Variants in PSME4 observed in about 807,000 individuals in gnomAD.
The protein encoded by PSME4 is proteasome activator complex subunit 4.
In PSME4, 89 loss-of-function variants were observed where a neutral mutation model predicts 253.9. That is an observed-to-expected ratio of 0.35 (90% CI 0.30 to 0.42). PSME4 has a LOEUF of 0.42. PSME4 is among the 10% of genes least tolerant of loss of function. The probability of loss-of-function intolerance (pLI) is 1.00; values close to 1 mark genes in which losing one functional copy is unlikely to be tolerated. For synonymous variants in PSME4, 851 were observed against 759.2 expected, an observed-to-expected ratio of 1.12 and a Z score of -1.99; for missense variants, 2,014 against 2,195.2, an observed-to-expected ratio of 0.92 and a Z score of 1.65.
intron 21 of PSME4, 44 bp downstream of exon 21, chr2:53,910,031 C>A: frequency 2.7e-6 from 4 of 1,483,118 alleles, no homozygotes; most frequent in South Asian, 1.1e-5. Flanking sequence ...GAGTTACTGA[C>A]AAAAATAATC....
At chr2:53,927,368 C>G (rs1404395029) in intron 12 of PSME4, 26 bp downstream of exon 12, 2 of 1,459,446 alleles carry the variant, frequency 1.4e-6, no homozygotes. Flanking sequence ...CATCTTAGCC[C>G]TTTTATAACC....
chr2:53,959,966 T>C (rs578140520), intron 1 of PSME4, among the ~76,000 whole-genome samples: 1 of 152,352 alleles, frequency 6.6e-6, no homozygotes, highest in South Asian at 2.1e-4. Context: ...AACAGATTTT[T>C]GTGGATTGAT....
intron 3 of PSME4, among the ~76,000 whole-genome samples, chr2:53,942,461 G>A (rs988843643): frequency 1.8e-4 from 27 of 151,918 alleles, no homozygotes; most frequent in African/African-American, 4.8e-5. Flanking sequence ...GATACATCAG[G>A]TTGAAAAAGA....
In PSME4 at chr2:53,901,573, AAT is replaced by A. The variant is rs774053691; in HGVS notation, c.3076-16_3076-15del. 6.3e-7 allele frequency: 1 copy of A among 1,585,780 alleles called. No individual in the cohort carries two copies. Among genetic ancestry groups the A allele is most frequent in the East Asian group, 2.2e-5 (1 of 44,472 alleles). ...GTACAAGGCACCCTGCAGAAAAAAA[AAT>A]ATATATATGTTTACATGGGAAATAA... On this transcript the variant is annotated splice_polypyrimidine_tract_variant and intron_variant, in intron 27 of 46. Transcript: ENST00000404125.
Position 53,936,111 on chromosome 2 carries a change from T to C in PSME4, c.810A>G (p.Ile270Met), listed in dbSNP as rs1476915995. Reference sequence around the variant, plus strand: ...CCTTTGGTACATATGGATCCCAATCTATGTACCCTATATTATCTGTAGCCA... The same window carrying C: ...CCTTTGGTACATATGGATCCCAATCCATGTACCCTATATTATCTGTAGCCA... ...ARLATDNIGY[I>M]DWDPYVPKIF... The change falls in exon 7 of 47, where the codon ATA becomes ATG. Residue 270 changes from isoleucine to methionine, a missense_variant. Physicochemically the swap from Ile to Met is conservative, Grantham distance 10. Around this residue, in one of 4 missense-constraint regions of PSME4, gnomAD observed 615 missense variants for 594.4 expected, o/e 1.03. Coordinates refer to ENST00000404125, the MANE Select transcript of PSME4 (RefSeq NM_014614.3). 1 of 1,612,896 alleles carries C rather than the reference T, an allele frequency of 6.2e-7. No individual in the cohort carries two copies. The highest frequency in any genetic ancestry group is 2.2e-5 in the East Asian group (1 of 44,818).
intron 9 of PSME4, 105 bp from the exon 10 acceptor site, chr2:53,932,205 C>T (rs879146672): frequency 2.0e-6 from 2 of 1,003,976 alleles, no homozygotes; most frequent in South Asian, 3.2e-5. Flanking sequence ...AATAACAGTT[C>T]TTATTATCTT....
chr2:53,887,625 G>A (rs805398), intron 39 of PSME4, among the ~76,000 whole-genome samples, 158 bp from the exon 40 acceptor site: 33,401 of 151,952 alleles, frequency 0.22, 4,081 homozygotes, highest in South Asian at 0.31. Flanking sequence ...ATAATTAAGG[G>A]GTATTAACAC....
chr2:53,919,941 A>G (rs950217651), intron 19 of PSME4, among the ~76,000 whole-genome samples: 2 of 152,188 alleles, frequency 1.3e-5, no homozygotes, highest in Non-Finnish European at 2.9e-5. Flanking sequence ...CTTCCAAAAG[A>G]CAAGTGAAAT....
At chr2:53,869,806 T>C (rs1486495552) in intron 43 of PSME4, 3 of 227,754 alleles carry the variant, frequency 1.3e-5, no homozygotes, top group Non-Finnish European at 2.6e-5. Flanking sequence ...TTATTTTCCC[T>C]ACTGATAGCT....
chr2:53,893,101 T>A, intron 35 of PSME4, 141 bp from the exon 36 acceptor site: 1 of 601,214 alleles, frequency 1.7e-6, no homozygotes, highest in Non-Finnish European at 2.7e-6. Context: ...ACAATTGCGG[T>A]AAGTTAAAAT....
intron 20 of PSME4, among the ~76,000 whole-genome samples, chr2:53,910,981 C>A (rs997077657): frequency 1.3e-5 from 2 of 152,116 alleles, no homozygotes; most frequent in Non-Finnish European, 2.9e-5. Flanking sequence ...TATTACTAAT[C>A]ACCAATGAAC....
At chr2:53,966,445 T>C (rs550055794) in intron 1 of PSME4, among the ~76,000 whole-genome samples, 11 of 152,182 alleles carry the variant, frequency 7.2e-5, no homozygotes, top group Admixed American at 2.0e-4. Context: ...CCAGATCATT[T>C]GAGATCAAGA....
intron 20 of PSME4, among the ~76,000 whole-genome samples, chr2:53,918,831 A>G (rs924592456): frequency 1.3e-5 from 2 of 152,198 alleles, no homozygotes; most frequent in Admixed American, 6.5e-5. Context: ...GTCAAAACAA[A>G]GCAGTATTTT....
At chr2:53,941,824 T>G (rs1342664326) in intron 3 of PSME4, among the ~76,000 whole-genome samples, 1 of 152,120 alleles carries the variant, frequency 6.6e-6, no homozygotes, top group Non-Finnish European at 1.5e-5. Context: ...ATATTACATT[T>G]ATTTTATTGG....
At chr2:53,876,417 T>C (rs1679121990) in intron 41 of PSME4, among the ~76,000 whole-genome samples, 1 of 152,188 alleles carries the variant, frequency 6.6e-6, no homozygotes, top group Non-Finnish European at 1.5e-5. Flanking sequence ...AATTGGCTAT[T>C]AGATGTAAAG....
intron 1 of PSME4, among the ~76,000 whole-genome samples, chr2:53,950,608 G>A (rs1055228753): frequency 2.6e-5 from 4 of 151,946 alleles, no homozygotes; most frequent in African/African-American, 7.2e-5. Context: ...TTGGGAGGCC[G>A]ACGTGGGTGG....
intron 43 of PSME4, chr2:53,870,373 G>GTTTTTTTTTTTTTTTTTTTTTTTTTT (rs371507997): frequency 8.6e-6 from 1 of 115,904 alleles, no homozygotes. Flanking sequence ...TTTTCTTTTC[G>GTTTTTTTTTTTTTTTTTTTTTTTTTT]TTTTTTTTTT....
At position 53,922,577 on chromosome 2, in the gene PSME4, A is replaced by G. The variant is rs372183732; in HGVS notation, c.1986T>C (p.Asp662=). Residue 662 remains aspartate, a synonymous_variant, in exon 17 of 47, where the codon GAT becomes GAC. Coordinates refer to ENST00000404125, the MANE Select transcript of PSME4 (RefSeq NM_014614.3). ...SVITQLTMND[D]VLNDEELDKE... ...TGTCTAGCTCTTCATCATTTAATAC[A>G]TCATCATCTAAAAACAGCAAAATAC... 3 of 1,612,316 alleles carry G rather than the reference A, an allele frequency of 1.9e-6. No individual in the cohort carries two copies. The highest frequency in any genetic ancestry group is 1.7e-6 in the Non-Finnish European group (2 of 1,179,416).
intron 20 of PSME4, among the ~76,000 whole-genome samples, chr2:53,911,247 G>T (rs770746857): frequency 2.6e-5 from 4 of 152,128 alleles, no homozygotes; most frequent in Non-Finnish European, 4.4e-5. Flanking sequence ...CAAGCCCATA[G>T]AGTATAAACA....
Sources: allele counts gnomAD v4.1 joint callset (sites outside exome capture counted in the v4.1 genomes callset), GRCh38; gene constraint gnomAD v4.1.1; regional missense constraint gnomAD v4.1.1; transcripts MANE v1.5; gene names NCBI Gene and HGNC (gene_info 2026-07-23, HGNC 2026-07-21).